Variants in SRPRB observed in about 807,000 individuals in gnomAD.
SRPRB encodes the protein SRP receptor subunit beta, also known as signal recognition particle receptor subunit beta.
A neutral mutation model predicts 31.9 loss-of-function variants in SRPRB; 20 were observed. That is an observed-to-expected ratio of 0.63 (90% confidence interval 0.44 to 0.91). The LOEUF (loss-of-function observed/expected upper bound fraction) is 0.91. Among genes scored for constraint, SRPRB ranks in the 40% least tolerant of loss-of-function variants. The probability of loss-of-function intolerance (pLI) is 0.00; values close to 1 mark genes in which losing one functional copy is unlikely to be tolerated. For missense variants in SRPRB, 321 were observed against 324.9 expected (o/e 0.99, Z 0.09); for synonymous variants, 146 against 132.8 (o/e 1.10, Z -0.68).
Position 133,819,706 on chromosome 3 carries a change from AG to A in SRPRB, c.760del (p.Asp254ThrfsTer23). On this transcript the variant is annotated frameshift_variant, in exon 7 of 7. Transcript: ENST00000678299. LOFTEE classifies it high-confidence loss of function. ...FLECSAKGGR[G>X]DVGSADIQDL... is the part of the protein sequence containing the mutation. The stretch of plus-strand genomic sequence containing the variant: ...TGGAGTGCAGTGCCAAGGGTGGAAG[AG>A]GGGACGTGGGCTCTGCTGACATCCA... 1.2e-6 allele frequency: 2 copies of A among 1,614,108 alleles called. No individual in the cohort carries two copies. The highest frequency in any genetic ancestry group is 1.7e-6 in the Non-Finnish European group (2 of 1,179,988).
At chr3:133,798,495 C>A (rs564366905) in intron 1 of SRPRB, among the ~76,000 whole-genome samples, 1 of 152,064 alleles carries the variant, frequency 6.6e-6, no homozygotes, top group African/African-American at 2.4e-5. Flanking sequence ...TAAGGGAATG[C>A]AGTATTTTAA....
At position 133,806,719 on chromosome 3, in the gene SRPRB, G is replaced by A; in HGVS notation, c.249+16G>A. ...CTTTGTCAGGGTAAATGATTTCATTGACACCCCTGTTAAGCTTAATAGAAA... is the reference window on the plus strand; with the variant it reads ...CTTTGTCAGGGTAAATGATTTCATTAACACCCCTGTTAAGCTTAATAGAAA... On this transcript the variant is annotated intron_variant, in intron 2 of 6. Coordinates refer to ENST00000678299, the MANE Select transcript of SRPRB (RefSeq NM_001379313.1). 1 of 1,594,286 alleles carries A rather than the reference G, an allele frequency of 6.3e-7. No individual in the cohort carries two copies. Among genetic ancestry groups the A allele is most frequent in the South Asian group, 1.1e-5 (1 of 90,584 alleles).
downstream of SRPRB, among the ~76,000 whole-genome samples, chr3:133,823,597 A>T (rs750789141): frequency 6.6e-6 from 1 of 152,190 alleles, no homozygotes. Context: ...TTGGACTTGA[A>T]GAAGAGTGAG....
chr3:133,797,608 T>C (rs1934996253), intron 1 of SRPRB, among the ~76,000 whole-genome samples: 1 of 152,212 alleles, frequency 6.6e-6, no homozygotes, highest in African/African-American at 2.4e-5. Flanking sequence ...ATTTTTAAAC[T>C]TGATGCTGAC....
chr3:133,784,502 A>AATT (rs1296324343), intron 1 of SRPRB: 2 of 150,698 alleles, frequency 1.3e-5, no homozygotes, highest in African/African-American at 4.9e-5. Flanking sequence ...TAATAATAAT[A>AATT]ATAATAGGAC....
At chr3:133,827,760 C>T, downstream of SRPRB, 2 of 97,514 alleles carry the variant, frequency 2.1e-5, no homozygotes, top group East Asian at 3.0e-4. Context: ...CCCCCCCCCC[C>T]CGCCTCCCCA....
intron 1 of SRPRB, among the ~76,000 whole-genome samples, chr3:133,799,721 A>G (rs1935034434): frequency 6.6e-6 from 1 of 152,174 alleles, no homozygotes; most frequent in Non-Finnish European, 1.5e-5. Flanking sequence ...ATAATTCTCC[A>G]AAGGTCCCAG....
chr3:133,804,395 C>T (rs2107966264), upstream of SRPRB, among the ~76,000 whole-genome samples: 1 of 152,156 alleles, frequency 6.6e-6, no homozygotes, highest in African/African-American at 2.4e-5. Context: ...TGCAATGGGA[C>T]TACGCATGCC....
chr3:133,806,256 G>A (rs929098585), intron 1 of SRPRB, among the ~76,000 whole-genome samples: 1 of 152,242 alleles, frequency 6.6e-6, no homozygotes, highest in Non-Finnish European at 1.5e-5. Context: ...CATCTGCCCT[G>A]TTACGCTTGA....
chr3:133,785,033 T>A (rs1316100889), intron 1 of SRPRB: 1 of 103,948 alleles, frequency 9.6e-6, no homozygotes, highest in African/African-American at 3.5e-5. Context: ...CCGCCCCGTC[T>A]GGGAGGTGAG....
rs975138147 is a variant in SRPRB, at chr3:133,819,876, T to G, written c.*110T>G. ...GGGTACAAGATGTGGTTAGAAACAT[T>G]TCTTTGTTCTGGAAACAAAGTACTG... On this transcript the variant is annotated 3_prime_UTR_variant, in exon 7 of 7. Coordinates refer to ENST00000678299, the MANE Select transcript of SRPRB (RefSeq NM_001379313.1). 1.1e-5 allele frequency: 11 copies of G among 1,033,082 alleles called. No homozygotes were observed. Among genetic ancestry groups the G allele is most frequent in the Non-Finnish European group, 1.5e-5 (11 of 710,096 alleles). 64.0% of individuals were successfully genotyped at this position (1,033,082 alleles called of 1,614,324 possible).
intron 1 of SRPRB, chr3:133,794,158 A>C (rs772817153): frequency 6.6e-6 from 1 of 152,248 alleles, no homozygotes; most frequent in East Asian, 1.9e-4. Flanking sequence ...ATGGAGAACC[A>C]GGATGGCCAC....
chr3:133,791,340 T>G (rs986013062), intron 1 of SRPRB: 7 of 152,332 alleles, frequency 4.6e-5, no homozygotes, highest in African/African-American at 1.7e-4. Flanking sequence ...TTTGTGAATA[T>G]TCTTAATTCA....
intron 1 of SRPRB, chr3:133,786,707 T>G (rs1407385547): frequency 6.7e-6 from 1 of 150,014 alleles, no homozygotes; most frequent in African/African-American, 2.4e-5. Context: ...TATTGCCCAG[T>G]GGGTTGATGG....
intron 1 of SRPRB, chr3:133,786,385 C>G (rs1934686210): frequency 6.6e-6 from 1 of 151,998 alleles, no homozygotes; most frequent in Non-Finnish European, 1.5e-5. Flanking sequence ...GGTGGCCAAA[C>G]CACCTGTTAA....
chr3:133,795,139 G>A (rs1934933722), intron 1 of SRPRB: 1 of 152,192 alleles, frequency 6.6e-6, no homozygotes, highest in Non-Finnish European at 1.5e-5. Flanking sequence ...GAAAACATCA[G>A]GTATTATAGA....
At chr3:133,823,264 T>TG (rs1379234087), downstream of SRPRB, among the ~76,000 whole-genome samples, 1 of 152,184 alleles carries the variant, frequency 6.6e-6, no homozygotes, top group African/African-American at 2.4e-5. Context: ...TTCAAGGGTT[T>TG]TTTTGTTTTG....
intron 6 of SRPRB, among the ~76,000 whole-genome samples, chr3:133,818,927 T>G (rs1248987721): frequency 6.6e-6 from 1 of 152,078 alleles, no homozygotes; most frequent in African/African-American, 2.4e-5. Flanking sequence ...GAAAGAAGAT[T>G]GGCAGCATGT....
chr3:133,824,625 T>C, downstream of SRPRB: 1 of 152,196 alleles, frequency 6.6e-6, no homozygotes, highest in East Asian at 1.9e-4. Context: ...AAATAGTTCA[T>C]GTCAAACAAA....
Sources: gnomAD v4.1 joint callset for allele counts (sites outside exome capture counted in the v4.1 genomes callset) on GRCh38, gnomAD v4.1.1 for gene constraint, MANE v1.5 for transcripts, NCBI Gene and HGNC (gene_info 2026-07-23, HGNC 2026-07-21) for gene names.